CD226: variants seen among roughly 807,000 people sequenced by gnomAD.
CD226 encodes the protein CD226 antigen.
Under a neutral mutation model 34.9 loss-of-function variants are expected in CD226, and 24 were observed. That is an observed-to-expected ratio of 0.69 (90% CI 0.50 to 0.97). The LOEUF (loss-of-function observed/expected upper bound fraction) is 0.97, where lower values mean the gene tolerates loss of function less well. Among genes scored for constraint, CD226 ranks in the 50% least tolerant of loss-of-function variants. The pLI, the probability that CD226 is intolerant of heterozygous loss-of-function variation, is 0.00. For synonymous variants in CD226, 148 were observed against 147.4 expected, an observed-to-expected ratio of 1.00 and a Z score of -0.03; for missense variants, 397 against 412.7, an observed-to-expected ratio of 0.96 and a Z score of 0.33.
intron 2 of CD226, among the ~76,000 whole-genome samples, chr18:69,935,455 G>A (rs1358468285): frequency 1.3e-5 from 2 of 152,172 alleles, no homozygotes; most frequent in Admixed American, 6.5e-5. Context: ...GAGTCTCAAC[G>A]TGTGTGGGCT....
At chr18:69,864,987 G>A (rs1983049599) in intron 5 of CD226, among the ~76,000 whole-genome samples, 1 of 152,058 alleles carries the variant, frequency 6.6e-6, no homozygotes, top group African/African-American at 2.4e-5. Flanking sequence ...AATTTAGATT[G>A]ACCTTAGTGT....
chr18:69,923,296 A>G (rs191457676), intron 2 of CD226, among the ~76,000 whole-genome samples: 168 of 152,338 alleles, frequency 1.1e-3, no homozygotes, highest in Middle Eastern at 3.4e-3. Flanking sequence ...ACATGGCATC[A>G]TAATGTTGGA....
upstream of CD226, among the ~76,000 whole-genome samples, chr18:69,958,494 C>A (rs2055913509): frequency 6.6e-6 from 1 of 152,158 alleles, no homozygotes; most frequent in Admixed American, 6.5e-5. Context: ...TTGCAGGACA[C>A]ACCCAAAGAC....
intron 2 of CD226, among the ~76,000 whole-genome samples, chr18:69,923,955 A>G (rs2055488671): frequency 6.8e-6 from 1 of 147,788 alleles, no homozygotes; most frequent in South Asian, 2.1e-4. Context: ...CTCCGTCTCA[A>G]AAAAAAAAAA....
intron 2 of CD226, among the ~76,000 whole-genome samples, chr18:69,923,161 A>G (rs116687291): frequency 1.7e-3 from 260 of 151,692 alleles, no homozygotes; most frequent in African/African-American, 6.1e-3. Context: ...AAAGAAAGAG[A>G]GAAAGAGAAA....
At chr18:69,873,100 C>T in intron 4 of CD226, 44 bp downstream of exon 4, 1 of 1,064,414 alleles carries the variant, frequency 9.4e-7, no homozygotes, top group South Asian at 1.3e-5. Context: ...AATAGAGAAC[C>T]TCTAACATGG....
At chr18:69,937,494 G>A (rs900094356) in intron 2 of CD226, among the ~76,000 whole-genome samples, 2 of 151,940 alleles carry the variant, frequency 1.3e-5, no homozygotes, top group Non-Finnish European at 2.9e-5. Flanking sequence ...ACTACAATGC[G>A]ACTTATTTTT....
intron 2 of CD226, among the ~76,000 whole-genome samples, chr18:69,926,384 T>A (rs932034850): frequency 6.6e-6 from 1 of 152,092 alleles, no homozygotes; most frequent in African/African-American, 2.4e-5. Flanking sequence ...GTGTTTTCCA[T>A]CCAACTTGAA....
intron 2 of CD226, among the ~76,000 whole-genome samples, chr18:69,939,075 G>A (rs2055690753): frequency 1.3e-5 from 2 of 152,182 alleles, no homozygotes; most frequent in African/African-American, 4.8e-5. Flanking sequence ...AACAGAGTGA[G>A]ACTCTGTCTC....
intron 1 of CD226, among the ~76,000 whole-genome samples, chr18:69,955,776 T>C (rs2055891740): frequency 7.0e-6 from 1 of 143,022 alleles, no homozygotes; most frequent in Admixed American, 7.6e-5. Flanking sequence ...GGCAGGAGAA[T>C]GGCGTGAACC....
intron 2 of CD226, among the ~76,000 whole-genome samples, chr18:69,896,789 G>T (rs1484185622): frequency 1.3e-5 from 2 of 152,154 alleles, no homozygotes; most frequent in Non-Finnish European, 2.9e-5. Flanking sequence ...TTATGAAAAA[G>T]ATACCAAATC....
chr18:69,923,836 C>T (rs113534309), intron 2 of CD226, among the ~76,000 whole-genome samples: 2,371 of 151,692 alleles, frequency 0.016, 37 homozygotes, highest in African/African-American at 0.035. Context: ...CGCCTGTAGT[C>T]CCAGCTACTT....
chr18:69,878,861 C>T (rs573569423), intron 3 of CD226, among the ~76,000 whole-genome samples: 1 of 152,114 alleles, frequency 6.6e-6, no homozygotes, highest in African/African-American at 2.4e-5. Flanking sequence ...ATCGGGGGAA[C>T]CTGCCCCTGA....
intron 3 of CD226, among the ~76,000 whole-genome samples, chr18:69,893,659 CTG>C (rs1011576186): frequency 5.9e-5 from 9 of 152,120 alleles, no homozygotes; most frequent in African/African-American, 2.2e-4. Context: ...TTCTTTTTGT[CTG>C]TGTCTGAAGG....
chr18:69,871,699 G>A lies in CD226; in HGVS notation c.830+1445C>T, dbSNP rs1335738683. On this transcript the variant is annotated intron_variant, in intron 4 of 5. Transcript: ENST00000582621. ...ACTTTGGTAGCAAACCAGATGGGGA[G>A]AGCAATGGGTGTGCTTCAGTTTCCA... Among the ~76,000 whole-genome samples, 3 of 152,356 alleles carry A rather than the reference G, an allele frequency of 2.0e-5. No homozygotes were observed. In the South Asian group the frequency reaches 6.2e-4, roughly 32 times the overall value.
At chr18:69,898,968 A>C (rs1249845742) in intron 2 of CD226, among the ~76,000 whole-genome samples, 1 of 152,242 alleles carries the variant, frequency 6.6e-6, no homozygotes, top group African/African-American at 2.4e-5. Flanking sequence ...CAATAAAACA[A>C]ATACAAATAA....
rs1352094826 is a variant in CD226 at position 69,910,709 on chromosome 18, C to G, written c.383-14664G>C. ...CAGTTTCTTTGGTTTAACAAACATACCACAATAATGTGAGATGTTAACAAT... is the reference window on the plus strand; with the variant it reads ...CAGTTTCTTTGGTTTAACAAACATAGCACAATAATGTGAGATGTTAACAAT... On this transcript the variant is annotated intron_variant, in intron 2 of 5. Coordinates refer to ENST00000582621, the MANE Select transcript of CD226 (RefSeq NM_001303618.2). Among the ~76,000 whole-genome samples, 3 of 152,242 alleles carry G rather than the reference C, an allele frequency of 2.0e-5. No homozygotes were observed. In the East Asian group the frequency reaches 5.8e-4, roughly 29 times the overall value.
intron 4 of CD226, among the ~76,000 whole-genome samples, chr18:69,872,195 A>G (rs964728157): frequency 2.0e-5 from 3 of 152,084 alleles, no homozygotes; most frequent in African/African-American, 7.2e-5. Context: ...TGAAAAATAT[A>G]GACATCAAAA....
intron 3 of CD226, among the ~76,000 whole-genome samples, chr18:69,885,362 G>C (rs1298357719): frequency 6.6e-6 from 1 of 152,192 alleles, no homozygotes; most frequent in Non-Finnish European, 1.5e-5. Flanking sequence ...TAAGGAAGGA[G>C]GGACTAGTAT....
Sources: allele counts gnomAD v4.1 joint callset (sites outside exome capture counted in the v4.1 genomes callset), GRCh38; gene constraint gnomAD v4.1.1; transcripts MANE v1.5; gene names NCBI Gene and HGNC (gene_info 2026-07-23, HGNC 2026-07-21).